The following CAMTA1 variants were observed in gnomAD, a reference collection of about 807,000 sequenced individuals.
The protein encoded by CAMTA1 is calmodulin-binding transcription activator 1.
A neutral mutation model predicts 170.9 loss-of-function variants in CAMTA1; 27 were observed. That is an observed-to-expected ratio of 0.16 (90% CI 0.12 to 0.22). CAMTA1 has a LOEUF of 0.22. Ranked by LOEUF, CAMTA1 falls within the 10% of genes least tolerant of loss-of-function variation. CAMTA1 has a pLI of 1.00. For missense variants in CAMTA1, 1,619 were observed against 2,217.2 expected (o/e 0.73, Z 5.42); for synonymous variants, 833 against 891.5 (o/e 0.93, Z 1.17).
At chr1:6,834,794 C>T (rs933460156) in intron 3 of CAMTA1, among the ~76,000 whole-genome samples, 1 of 152,078 alleles carries the variant, frequency 6.6e-6, no homozygotes, top group African/African-American at 2.4e-5. Context: ...TGTGCCACGC[C>T]CAGCTAATTT....
At chr1:7,276,303 A>ATATATATATTTTTTTTTTTTTTTTTTTTT in intron 5 of CAMTA1, among the ~76,000 whole-genome samples, 1 of 24,228 alleles carries the variant, frequency 4.1e-5, no homozygotes, top group Non-Finnish European at 6.1e-5. Context: ...ATATATATAT[A>ATATATATATTTTTTTTTTTTTTTTTTTTT]TTTTTTTTTT....
intron 4 of CAMTA1, among the ~76,000 whole-genome samples, chr1:7,247,768 A>G (rs1475694073): frequency 6.6e-6 from 1 of 152,152 alleles, no homozygotes; most frequent in Non-Finnish European, 1.5e-5. Context: ...TTAAGGACAA[A>G]CATCTAGAGA....
chr1:6,787,512 T>G (rs1379053686), intron 1 of CAMTA1, among the ~76,000 whole-genome samples: 2 of 152,368 alleles, frequency 1.3e-5, no homozygotes, highest in Non-Finnish European at 1.5e-5. Flanking sequence ...TCACATTCAT[T>G]ACATATACAG....
intron 3 of CAMTA1, among the ~76,000 whole-genome samples, chr1:6,945,390 C>G (rs1198157864): frequency 6.6e-6 from 1 of 151,958 alleles, no homozygotes; most frequent in African/African-American, 2.4e-5. Context: ...GGGTCTCACT[C>G]CAGGCTGGAG....
rs556258781 is a variant in CAMTA1, at chr1:7,346,728, G to A, written c.438+97102G>A. The stretch of plus-strand genomic sequence containing the variant: ...AGCTCCATGGGGCCTGGCAGGAGGC[G>A]GCCCTCTCAGTGCTCTCGGCCCTGA... On this transcript the variant is annotated intron_variant, in intron 5 of 22. Coordinates refer to ENST00000303635, the MANE Select transcript of CAMTA1 (RefSeq NM_015215.4). Among the ~76,000 whole-genome samples the A allele has an allele frequency of 7.2e-4, 109 of 152,292 alleles. 1 individual carries two copies. In the Middle Eastern group the frequency reaches 0.01, roughly 14 times the overall value.
intron 5 of CAMTA1, among the ~76,000 whole-genome samples, chr1:7,345,787 G>A (rs1056756526): frequency 1.1e-4 from 17 of 152,194 alleles, no homozygotes; most frequent in Non-Finnish European, 1.6e-4. Flanking sequence ...TTAAGAAATG[G>A]CCATAGTCAC....
At chr1:7,734,001 G>A (rs1286742766) in intron 12 of CAMTA1, among the ~76,000 whole-genome samples, 3 of 152,068 alleles carry the variant, frequency 2.0e-5, no homozygotes, top group Non-Finnish European at 2.9e-5. Flanking sequence ...CAGGTGCAGT[G>A]CAGTGACACA....
chr1:6,865,953 G>T (rs900434750), intron 3 of CAMTA1, among the ~76,000 whole-genome samples: 1 of 152,116 alleles, frequency 6.6e-6, no homozygotes, highest in African/African-American at 2.4e-5. Flanking sequence ...GACTTTTTAG[G>T]TATCTTGGCA....
At chr1:7,569,570 TTCA>T (rs2095099694) in intron 6 of CAMTA1, among the ~76,000 whole-genome samples, 1 of 149,214 alleles carries the variant, frequency 6.7e-6, no homozygotes, top group Non-Finnish European at 1.5e-5. Context: ...CATCACCATC[TTCA>T]TCATCACATC....
chr1:7,636,017 C>T (rs541410491), intron 6 of CAMTA1, among the ~76,000 whole-genome samples: 5 of 152,286 alleles, frequency 3.3e-5, no homozygotes, highest in South Asian at 4.1e-4. Flanking sequence ...GGATGGAAAC[C>T]GGGAAGCTGC....
At chr1:7,492,878 TGCACAAACACAAACCTAC>T in intron 6 of CAMTA1, among the ~76,000 whole-genome samples, 1 of 115,164 alleles carries the variant, frequency 8.7e-6, no homozygotes, top group African/African-American at 3.2e-5. Context: ...CACGCGCACA[TGCACAAACACAAACCTAC>T]ATACACACGT....
chr1:6,815,116 CT>C (rs1323384667), intron 1 of CAMTA1, among the ~76,000 whole-genome samples: 1 of 151,778 alleles, frequency 6.6e-6, no homozygotes, highest in South Asian at 2.1e-4. Context: ...TTTTCATTAC[CT>C]TTTTTTAAAA....
At chr1:7,313,717 T>A (rs1273035047) in intron 5 of CAMTA1, among the ~76,000 whole-genome samples, 1 of 152,210 alleles carries the variant, frequency 6.6e-6, no homozygotes, top group Admixed American at 6.5e-5. Context: ...ATACATATTA[T>A]CAAATTGCCC....
chr1:6,893,718 C>G (rs1675049003), intron 3 of CAMTA1, among the ~76,000 whole-genome samples: 1 of 152,166 alleles, frequency 6.6e-6, no homozygotes, highest in Admixed American at 6.5e-5. Context: ...CTGTGGATCA[C>G]TTAAGAGACC....
chr1:7,106,631 C>T (rs1441664561), intron 4 of CAMTA1, among the ~76,000 whole-genome samples: 1 of 152,028 alleles, frequency 6.6e-6, no homozygotes, highest in Non-Finnish European at 1.5e-5. Flanking sequence ...AGTAGTGGAG[C>T]GCTTGGGAGT....
rs181764982 is a variant in CAMTA1 at position 7,553,434 on chromosome 1, G to T, written c.510+85533G>T. Reference sequence around the variant, plus strand: ...TCAGCTGTGTATTGAGTGCTGCCACGTGTAGGGGCTGAGATGCAGGACCCA... The same window carrying T: ...TCAGCTGTGTATTGAGTGCTGCCACTTGTAGGGGCTGAGATGCAGGACCCA... On this transcript the variant is annotated intron_variant, in intron 6 of 22. Coordinates refer to ENST00000303635, the MANE Select transcript of CAMTA1 (RefSeq NM_015215.4). Among the ~76,000 whole-genome samples the T allele has an allele frequency of 7.2e-5, 11 of 152,358 alleles. 1 individual carries two copies. In the South Asian group the frequency reaches 1.4e-3, roughly 20 times the overall value.
intron 4 of CAMTA1, among the ~76,000 whole-genome samples, chr1:7,095,112 G>T (rs1641920348): frequency 7.2e-6 from 1 of 139,364 alleles, no homozygotes; most frequent in African/African-American, 2.7e-5. Context: ...AGCACTCATC[G>T]CCTTCTGACA....
At chr1:7,430,824 G>A (rs56354201) in intron 5 of CAMTA1, among the ~76,000 whole-genome samples, 1,898 of 152,302 alleles carry the variant, frequency 0.012, 21 homozygotes, top group Non-Finnish European at 0.02. Context: ...GCACTTCCAA[G>A]GCTCGCCATC....
chr1:7,454,220 C>T (rs2092899277), intron 5 of CAMTA1, among the ~76,000 whole-genome samples: 1 of 152,314 alleles, frequency 6.6e-6, no homozygotes, highest in Non-Finnish European at 1.5e-5. Context: ...GAGGCGACCT[C>T]GCCTCACACT....
Sources: allele counts gnomAD v4.1 joint callset (sites outside exome capture counted in the v4.1 genomes callset), GRCh38; gene constraint gnomAD v4.1.1; transcripts MANE v1.5; gene names NCBI Gene and HGNC (gene_info 2026-07-23, HGNC 2026-07-21).